The following DCC variants were observed in gnomAD, a reference collection of about 807,000 sequenced individuals.
DCC encodes the protein DCC netrin 1 receptor.
Under a neutral mutation model 172.5 loss-of-function variants are expected in DCC, and 58 were observed. The observed-to-expected ratio is 0.34, with a 90% CI of 0.27 to 0.42. DCC has a LOEUF of 0.42. DCC is among the 10% of genes least tolerant of loss of function. The pLI, the probability that DCC is intolerant of heterozygous loss-of-function variation, is 1.00. For synonymous variants in DCC, 709 were observed against 644.5 expected, an observed-to-expected ratio of 1.10 and a Z score of -1.52; for missense variants, 1,740 against 1,791.0, an observed-to-expected ratio of 0.97 and a Z score of 0.51.
chr18:52,804,803 C>T (rs920233876), intron 2 of DCC, among the ~76,000 whole-genome samples: 2 of 152,114 alleles, frequency 1.3e-5, no homozygotes, highest in Non-Finnish European at 2.9e-5. Context: ...AGGATGATGT[C>T]GATCTCCTGA....
At chr18:52,783,582 C>CT (rs1301139890) in intron 2 of DCC, among the ~76,000 whole-genome samples, 1 of 151,554 alleles carries the variant, frequency 6.6e-6, no homozygotes, top group East Asian at 1.9e-4. Flanking sequence ...TGGTACAGTC[C>CT]TTGTTCTCAA....
chr18:53,161,442 C>T (rs2054838446), intron 8 of DCC, among the ~76,000 whole-genome samples: 1 of 152,156 alleles, frequency 6.6e-6, no homozygotes, highest in Non-Finnish European at 1.5e-5. Context: ...TTTATCTGAT[C>T]TGCACATATC....
intron 5 of DCC, among the ~76,000 whole-genome samples, chr18:53,027,065 C>A (rs996678332): frequency 6.6e-6 from 1 of 152,068 alleles, no homozygotes; most frequent in Non-Finnish European, 1.5e-5. Flanking sequence ...ATGCTAATTT[C>A]CTGGGCATTC....
At chr18:53,051,246 C>A (rs1370937623) in intron 5 of DCC, among the ~76,000 whole-genome samples, 1 of 151,958 alleles carries the variant, frequency 6.6e-6, no homozygotes, top group Non-Finnish European at 1.5e-5. Context: ...TAAATACATA[C>A]ATGTTCATGT....
intron 5 of DCC, among the ~76,000 whole-genome samples, chr18:53,003,500 G>C (rs183295948): frequency 6.6e-6 from 1 of 152,290 alleles, no homozygotes; most frequent in Non-Finnish European, 1.5e-5. Context: ...TAATTTCTCA[G>C]TGGTGTTCAT....
rs367615233 is a variant in DCC, at chr18:52,447,907, C to T, written c.91+107029C>T. Among the ~76,000 whole-genome samples the T allele has an allele frequency of 2.0e-4, 31 of 152,270 alleles. No individual in the cohort carries two copies. In the East Asian group the frequency reaches 4.3e-3, roughly 21 times the overall value. On this transcript the variant is annotated intron_variant, in intron 1 of 28. Transcript: ENST00000442544. ...ACCCCCAAGATCCAGTCACCTCCCA[C>T]GAGGCCCCACCTCCAACACTGGGGA...
At chr18:52,671,532 CTTT>C (rs761856360) in intron 1 of DCC, among the ~76,000 whole-genome samples, 5 of 116,978 alleles carry the variant, frequency 4.3e-5, no homozygotes, top group Admixed American at 9.7e-5. Context: ...ATATGCCAAC[CTTT>C]TTTTTTTTTT....
intron 1 of DCC, among the ~76,000 whole-genome samples, chr18:52,615,015 T>C (rs1034524306): frequency 2.0e-5 from 3 of 152,202 alleles, no homozygotes; most frequent in Admixed American, 6.5e-5. Flanking sequence ...TATTTTTTCC[T>C]TTTAGCAGAA....
rs143256594 is a variant in DCC at position 53,360,666 on chromosome 18, A to G, written c.2359+20759A>G. On this transcript the variant is annotated intron_variant, in intron 15 of 28. Transcript: ENST00000442544. ...AATGAGAAGTGCAAACAGAACTACAATAAAGCAGGCCTTTACACCCTTACA... is the reference window on the plus strand; with the variant it reads ...AATGAGAAGTGCAAACAGAACTACAGTAAAGCAGGCCTTTACACCCTTACA... 4.3e-3 allele frequency among the ~76,000 whole-genome samples: 661 copies of G among 152,304 alleles called. 7 individuals carry two copies. Among genetic ancestry groups the G allele is most frequent in the African/African-American group, 0.015 (626 of 41,586 alleles).
rs758017100 is a variant in DCC, at chr18:53,157,424, T to A, written c.1330T>A (p.Phe444Ile). 53 of 1,614,020 alleles carry A rather than the reference T, an allele frequency of 3.3e-5. No individual in the cohort carries two copies. The highest frequency in any genetic ancestry group is 6.8e-6 in the Non-Finnish European group (8 of 1,180,010). Residue 444 changes from phenylalanine (F) to isoleucine (I), a missense_variant, in exon 8 of 29, where the codon TTT (phenylalanine) becomes ATT (isoleucine). By Grantham distance (21) the Phe-to-Ile change is conservative. Transcript: ENST00000442544. The stretch of plus-strand genomic sequence containing the variant: ...GGTCCCTGTCTTGGTTTCCAGCCGA[T>A]TTGTCCGTCTCAGCTGGCGCCCACC... ...DVVPVLVSSR[F>I]VRLSWRPPAE...
chr18:52,491,148 C>A (rs184372249), intron 1 of DCC, among the ~76,000 whole-genome samples: 17 of 152,148 alleles, frequency 1.1e-4, no homozygotes, highest in African/African-American at 2.9e-4. Context: ...GTTTTTTCCT[C>A]TTTTCTCTTT....
At chr18:53,428,890 T>G (rs1221583556) in intron 21 of DCC, among the ~76,000 whole-genome samples, 1 of 51,702 alleles carries the variant, frequency 1.9e-5, no homozygotes, top group Non-Finnish European at 3.6e-5. Context: ...AAATTATATA[T>G]TATATATTTT....
intron 9 of DCC, among the ~76,000 whole-genome samples, chr18:53,200,095 A>T (rs1353527381): frequency 1.3e-5 from 2 of 152,178 alleles, no homozygotes; most frequent in Non-Finnish European, 2.9e-5. Flanking sequence ...GATCCAGAAG[A>T]GTGCAGTTGA....
intron 15 of DCC, among the ~76,000 whole-genome samples, chr18:53,382,237 T>C (rs1181896947): frequency 1.3e-5 from 2 of 152,102 alleles, no homozygotes; most frequent in East Asian, 1.9e-4. Context: ...AAGGCAATTT[T>C]AAATGGCTCA....
intron 7 of DCC, among the ~76,000 whole-genome samples, chr18:53,083,173 T>C (rs1042191165): frequency 6.6e-6 from 1 of 152,112 alleles, no homozygotes; most frequent in Non-Finnish European, 1.5e-5. Context: ...AGATTCTTTG[T>C]TTTTCGATTG....
chr18:52,810,066 CCTT>C (rs923651832), intron 2 of DCC, among the ~76,000 whole-genome samples: 4 of 151,552 alleles, frequency 2.6e-5, no homozygotes, highest in African/African-American at 9.7e-5. Flanking sequence ...AGAGAAAAAT[CCTT>C]CTAACAACCA....
chr18:52,630,052 G>C lies in DCC; in HGVS notation c.92-122002G>C, dbSNP rs535974241. Among the ~76,000 whole-genome samples, 3 of 150,930 alleles carry C rather than the reference G, an allele frequency of 2.0e-5. No individual in the cohort carries two copies. The East Asian group carries it at 5.9e-4, about 29-fold the overall frequency. The stretch of plus-strand genomic sequence containing the variant: ...GAGGCAGGAGAACCCAGGAAGTAGA[G>C]GTTGAGCTGAGATCATGCCACTGCA... On this transcript the variant is annotated intron_variant, in intron 1 of 28. Transcript: ENST00000442544.
At chr18:53,365,310 A>C (rs2144942522) in intron 15 of DCC, among the ~76,000 whole-genome samples, 1 of 151,950 alleles carries the variant, frequency 6.6e-6, no homozygotes, top group South Asian at 2.1e-4. Context: ...CATTTTCTTA[A>C]TCCAGTCTAT....
intron 1 of DCC, among the ~76,000 whole-genome samples, chr18:52,553,136 C>T (rs2032820951): frequency 1.3e-5 from 2 of 151,994 alleles, no homozygotes; most frequent in South Asian, 4.1e-4. Flanking sequence ...TTTTAAAATT[C>T]TCAGGTCACT....
Sources: allele counts gnomAD v4.1 joint callset (sites outside exome capture counted in the v4.1 genomes callset), GRCh38; gene constraint gnomAD v4.1.1; transcripts MANE v1.5; gene names NCBI Gene and HGNC (gene_info 2026-07-23, HGNC 2026-07-21).